The following TYW1 variants were observed in gnomAD, a reference collection of about 807,000 sequenced individuals.
The protein encoded by TYW1 is tRNA-yW synthesizing protein 1 homolog, also known as S-adenosyl-L-methionine-dependent tRNA 4-demethylwyosine synthase TYW1.
TYW1 carries 46 observed loss-of-function variants against 96.2 expected under a neutral mutation model. The ratio of observed to expected loss-of-function variants is 0.48; its 90% CI spans 0.38 to 0.61. The LOEUF (loss-of-function observed/expected upper bound fraction) is 0.61, where lower values mean the gene tolerates loss of function less well. Among genes scored for constraint, TYW1 ranks in the 20% least tolerant of loss-of-function variants. The pLI is 0.00. For missense variants in TYW1, 684 were observed against 909.6 expected (o/e 0.75, Z 3.19); for synonymous variants, 274 against 323.0 (o/e 0.85, Z 1.63).
chr7:67,008,716 G>A (rs1793686413), intron 3 of TYW1, among the ~76,000 whole-genome samples: 1 of 152,102 alleles, frequency 6.6e-6, no homozygotes, highest in African/African-American at 2.4e-5. Flanking sequence ...AGACTGGAGT[G>A]CAATGGTGCA....
intron 8 of TYW1, among the ~76,000 whole-genome samples, chr7:67,054,543 CA>C (rs144917309): frequency 0.019 from 2,830 of 152,252 alleles, 76 homozygotes; most frequent in African/African-American, 0.064. Flanking sequence ...TACATAAATA[CA>C]GAAGAGGATA....
intron 15 of TYW1, among the ~76,000 whole-genome samples, chr7:67,220,196 T>C (rs1400247984): frequency 2.3e-5 from 3 of 129,300 alleles, no homozygotes; most frequent in Admixed American, 8.6e-5. Flanking sequence ...TTCATTCATT[T>C]ATTGATTTTT....
intron 2 of TYW1, 32 bp from the exon 3 acceptor site, chr7:66,998,785 T>C (rs747845520): frequency 1.2e-6 from 2 of 1,611,688 alleles, no homozygotes; most frequent in Non-Finnish European, 8.5e-7. Flanking sequence ...GATTTAGACT[T>C]GATGGATTTT....
At chr7:67,047,883 G>A (rs1795237669) in intron 7 of TYW1, among the ~76,000 whole-genome samples, 1 of 148,968 alleles carries the variant, frequency 6.7e-6, no homozygotes, top group Non-Finnish European at 1.5e-5. Flanking sequence ...CGCCTCCCGG[G>A]TTCAAGTGAT....
In TYW1 at chr7:67,180,384, GTTTATATATATA is replaced by G. The variant is rs1250293195; in HGVS notation, c.1699-2740_1699-2729del. Among the ~76,000 whole-genome samples, 2 of 68,628 alleles carry G rather than the reference GTTTATATATATA, an allele frequency of 2.9e-5. 1 individual carries two copies. Among genetic ancestry groups the G allele is most frequent in the Non-Finnish European group, 5.7e-5 (2 of 35,280 alleles). The allele number at this position is 68,628 out of a possible 152,430, so 45.0% of individuals were successfully genotyped here. A position where few individuals can be genotyped will look rare whatever the true frequency, so the allele number is the denominator to read the frequency against. On this transcript the variant is annotated intron_variant, in intron 13 of 15. Coordinates refer to ENST00000359626, the MANE Select transcript of TYW1 (RefSeq NM_018264.4). ...CTACCGTATCCTTGGAAAGCTGTTG[GTTTATATATATA>G]TATATATATTTATATATATATATAT...
chr7:67,062,513 G>A (rs13239696), intron 9 of TYW1, among the ~76,000 whole-genome samples: 77,907 of 147,092 alleles, frequency 0.53, 21,153 homozygotes, highest in African/African-American at 0.65. Context: ...CCCATCTGCA[G>A]TCACCCAGAT....
intron 15 of TYW1, among the ~76,000 whole-genome samples, chr7:67,200,721 A>T (rs1800569483): frequency 2.6e-5 from 4 of 152,190 alleles, no homozygotes. Flanking sequence ...GTGTAATCAG[A>T]GCTATGGTGG....
At position 67,117,537 on chromosome 7, in the gene TYW1, C is replaced by G; in HGVS notation, c.1617C>G (p.Asp539Glu). ...TCAGTGTGGATGCCAGTACCAAAGACAGCCTGAAGAAAATCGACCGCCCAC... is the reference window on the plus strand; with the variant it reads ...TCAGTGTGGATGCCAGTACCAAAGAGAGCCTGAAGAAAATCGACCGCCCAC... Reference protein sequence around the residue: ...LYVSVDASTKDSLKKIDRPLF... With the variant: ...LYVSVDASTKESLKKIDRPLF... Residue 539 changes from aspartate (D) to glutamate (E), a missense_variant, in exon 13 of 16, where the codon GAC becomes GAG. Coordinates refer to ENST00000359626, the MANE Select transcript of TYW1 (RefSeq NM_018264.4). The G allele has an allele frequency of 6.2e-7, 1 of 1,614,060 alleles. No homozygotes were observed. The highest frequency in any genetic ancestry group is 1.3e-5 in the African/African-American group (1 of 75,014).
chr7:67,140,450 T>A (rs936002263), intron 13 of TYW1, among the ~76,000 whole-genome samples: 2 of 152,154 alleles, frequency 1.3e-5, no homozygotes, highest in Non-Finnish European at 1.5e-5. Flanking sequence ...GGTACACTTT[T>A]AAAAAATGTT....
intron 9 of TYW1, among the ~76,000 whole-genome samples, chr7:67,060,514 C>T (rs552905288): frequency 6.6e-6 from 1 of 152,346 alleles, no homozygotes; most frequent in Admixed American, 6.5e-5. Context: ...TTAGAAGAGA[C>T]CTGCTGTAAC....
chr7:67,051,732 GTTTTTTTTT>G (rs201852688), intron 8 of TYW1, among the ~76,000 whole-genome samples: 2 of 123,960 alleles, frequency 1.6e-5, no homozygotes, highest in Admixed American at 8.0e-5. Flanking sequence ...TTGTTTTTTT[GTTTTTTTTT>G]TTTTTTCTAA....
intron 12 of TYW1, among the ~76,000 whole-genome samples, chr7:67,106,492 G>A (rs1200605595): frequency 5.9e-5 from 9 of 152,082 alleles, no homozygotes; most frequent in Admixed American, 5.9e-4. Flanking sequence ...TCTCTGTATG[G>A]CATCGTGTTG....
chr7:67,195,713 T>A (rs1248753035), intron 15 of TYW1, among the ~76,000 whole-genome samples: 2 of 152,156 alleles, frequency 1.3e-5, no homozygotes, highest in Non-Finnish European at 2.9e-5. Flanking sequence ...AGCAATATTG[T>A]GGTATCTATC....
rs959431330 is a variant in TYW1 at position 67,194,918 on chromosome 7, G to A, written c.1810-252G>A. ...CCAGACAGCCTAGATTGCGACAACGGTAGAAAGCGCAGGTACTTAAGCCCC... is the reference window on the plus strand; with the variant it reads ...CCAGACAGCCTAGATTGCGACAACGATAGAAAGCGCAGGTACTTAAGCCCC... On this transcript the variant is annotated intron_variant, in intron 14 of 15. Coordinates refer to ENST00000359626, the MANE Select transcript of TYW1 (RefSeq NM_018264.4). Among the ~76,000 whole-genome samples the A allele has an allele frequency of 6.9e-5, 10 of 145,008 alleles. 1 individual carries two copies. In the South Asian group the frequency reaches 2.2e-3, roughly 32 times the overall value.
intron 11 of TYW1, among the ~76,000 whole-genome samples, chr7:67,094,311 G>A (rs555227617): frequency 4.9e-4 from 74 of 152,204 alleles, no homozygotes; most frequent in African/African-American, 1.7e-3. Context: ...ATGAACATAC[G>A]AGTGGGTACA....
chr7:67,215,143 C>T (rs1801161636), intron 15 of TYW1, among the ~76,000 whole-genome samples: 1 of 150,876 alleles, frequency 6.6e-6, no homozygotes, highest in African/African-American at 2.5e-5. Flanking sequence ...AACTAGGAAA[C>T]TATCAGGCCA....
At chr7:67,173,136 A>C (rs1437866602) in intron 13 of TYW1, among the ~76,000 whole-genome samples, 1 of 152,214 alleles carries the variant, frequency 6.6e-6, no homozygotes, top group African/African-American at 2.4e-5. Context: ...CTGAAAATTC[A>C]AATGTATCTC....
Position 67,199,757 on chromosome 7 carries a change from C to T in TYW1, c.1977+4420C>T, listed in dbSNP as rs1234307260. 3.9e-5 allele frequency among the ~76,000 whole-genome samples: 6 copies of T among 152,138 alleles called. 1 individual carries two copies. In the South Asian group the frequency reaches 8.3e-4, roughly 21 times the overall value. On this transcript the variant is annotated intron_variant, in intron 15 of 15. Coordinates refer to ENST00000359626, the MANE Select transcript of TYW1 (RefSeq NM_018264.4). Reference sequence around the variant, plus strand: ...CCCTGTTCCTCTCTCTCTGTCTCTCCGTTCTCTCTAATTAAATCCCTCATA... The same window carrying T: ...CCCTGTTCCTCTCTCTCTGTCTCTCTGTTCTCTCTAATTAAATCCCTCATA...
intron 13 of TYW1, among the ~76,000 whole-genome samples, chr7:67,135,597 C>T (rs1010503813): frequency 2.2e-5 from 3 of 139,068 alleles, no homozygotes; most frequent in African/African-American, 5.8e-5. Context: ...GCTACCACGT[C>T]CAGCCAACAG....
Sources: gnomAD v4.1 joint callset for allele counts (sites outside exome capture counted in the v4.1 genomes callset) on GRCh38, gnomAD v4.1.1 for gene constraint, MANE v1.5 for transcripts, NCBI Gene and HGNC (gene_info 2026-07-23, HGNC 2026-07-21) for gene names.